The following WDR27 variants were observed in gnomAD, a reference collection of about 807,000 sequenced individuals.
WDR27 encodes WD repeat domain 27, also known as WD repeat-containing protein 27.
Under a neutral mutation model 114.4 loss-of-function variants are expected in WDR27, and 100 were observed. That is an observed-to-expected ratio of 0.87 (90% CI 0.74 to 1.03). WDR27 has a LOEUF of 1.03. Ranked by LOEUF, WDR27 falls within the 50% of genes least tolerant of loss-of-function variation. The pLI is 0.00. For missense variants in WDR27, 1,129 were observed against 1,092.9 expected, an observed-to-expected ratio of 1.03 and a Z score of -0.47; for synonymous variants, 449 against 423.1, an observed-to-expected ratio of 1.06 and a Z score of -0.75.
intron 13 of WDR27, among the ~76,000 whole-genome samples, chr6:169,655,751 G>A (rs201004449): frequency 3.3e-5 from 5 of 152,148 alleles, no homozygotes; most frequent in South Asian, 2.1e-4. Flanking sequence ...ACGGAGTCTC[G>A]CCCTGTTGCC....
At chr6:169,507,382 G>A (rs995925618) in intron 25 of WDR27, among the ~76,000 whole-genome samples, 1 of 152,214 alleles carries the variant, frequency 6.6e-6, no homozygotes, top group Non-Finnish European at 1.5e-5. Flanking sequence ...CTGGGCACAC[G>A]GCTGGGCACG....
In WDR27 at chr6:169,552,973, G is replaced by GGTGTGTGTGTGTGTGTGTGT. The variant is rs3975497; in HGVS notation, c.2645+19426_2645+19445dup. Among the ~76,000 whole-genome samples, 13 of 61,800 alleles carry GGTGTGTGTGTGTGTGTGTGT rather than the reference G, an allele frequency of 2.1e-4. 2 individuals are homozygous for GGTGTGTGTGTGTGTGTGTGT. The highest frequency in any genetic ancestry group is 3.2e-4 in the African/African-American group (5 of 15,448). 40.5% of individuals were successfully genotyped at this position (61,800 alleles called of 152,430 possible). A position where few individuals can be genotyped will look rare whatever the true frequency, so the allele number is the denominator to read the frequency against. ...TGTGCTGTTTGGGGAGGGCCTGCCC[G>GGTGTGTGTGTGTGTGTGTGT]GTGTGTGTGTGTGTGTGTGTGTGTG... is the stretch of plus-strand genomic sequence containing the variant. On this transcript the variant is annotated intron_variant, in intron 25 of 25. Coordinates refer to ENST00000448612, the MANE Select transcript of WDR27 (RefSeq NM_182552.5).
chr6:169,674,373 C>T (rs1779541038), intron 2 of WDR27, among the ~76,000 whole-genome samples: 1 of 152,156 alleles, frequency 6.6e-6, no homozygotes, highest in South Asian at 2.1e-4. Flanking sequence ...TAAGTAGAGG[C>T]ATAGAAGATA....
At chr6:169,430,919 A>AATC in the WDR27 span, among the ~76,000 whole-genome samples, 1 of 152,186 alleles carries the variant, frequency 6.6e-6, no homozygotes, top group Non-Finnish European at 1.5e-5. Flanking sequence ...GGATGATATG[A>AATC]ATCAGAGTTA....
chr6:169,621,536 G>A (rs377447567), intron 21 of WDR27, among the ~76,000 whole-genome samples: 193 of 131,268 alleles, frequency 1.5e-3, no homozygotes, highest in African/African-American at 4.0e-3. Context: ...ACACACACAC[G>A]CACGCATATA....
the WDR27 span, among the ~76,000 whole-genome samples, chr6:169,428,650 G>A: frequency 6.6e-6 from 1 of 152,048 alleles, no homozygotes; most frequent in Non-Finnish European, 1.5e-5. Flanking sequence ...CTGCACCACA[G>A]AGCTCTACAA....
At chr6:169,689,033 T>C (rs376051785) in intron 1 of WDR27, 21 bp from the exon 2 acceptor site, 2 of 1,564,546 alleles carry the variant, frequency 1.3e-6, no homozygotes, top group African/African-American at 1.4e-5. Context: ...AAAGTACATA[T>C]AAGATGACTA....
At chr6:169,448,390 C>CTGTG in the WDR27 span, among the ~76,000 whole-genome samples, 7 of 80,278 alleles carry the variant, frequency 8.7e-5, no homozygotes, top group Admixed American at 1.5e-4. Flanking sequence ...GTCTCTGTCT[C>CTGTG]TATGTGTGTG....
intron 25 of WDR27, among the ~76,000 whole-genome samples, chr6:169,510,868 G>A (rs1792745750): frequency 6.6e-6 from 1 of 152,074 alleles, no homozygotes. Flanking sequence ...AAATGACAAT[G>A]GAATTGCTTG....
intron 25 of WDR27, among the ~76,000 whole-genome samples, chr6:169,553,696 A>G (rs1032457493): frequency 6.6e-6 from 1 of 152,214 alleles, no homozygotes; most frequent in African/African-American, 2.4e-5. Flanking sequence ...TGTGAACATT[A>G]CGACCTGCTA....
intron 1 of WDR27, among the ~76,000 whole-genome samples, chr6:169,697,977 C>T (rs534362425): frequency 6.6e-6 from 1 of 152,308 alleles, no homozygotes; most frequent in South Asian, 2.1e-4. Context: ...CTGGTCCCTA[C>T]AGGCAGAATA....
At chr6:169,563,970 G>A (rs73790014) in intron 25 of WDR27, among the ~76,000 whole-genome samples, 2 of 152,144 alleles carry the variant, frequency 1.3e-5, no homozygotes, top group Admixed American at 6.5e-5. Context: ...TATATGGAGG[G>A]GAGTTTATTA....
At chr6:169,442,960 T>G in the WDR27 span, among the ~76,000 whole-genome samples, 1 of 152,200 alleles carries the variant, frequency 6.6e-6, no homozygotes. Flanking sequence ...GATACAATTC[T>G]GCAAAGCCAA....
chr6:169,477,198 C>G (rs1390285239), intron 25 of WDR27, among the ~76,000 whole-genome samples: 2 of 152,210 alleles, frequency 1.3e-5, no homozygotes, highest in Non-Finnish European at 2.9e-5. Context: ...CCTACTTAGT[C>G]AAGATGCATT....
At chr6:169,525,397 G>A (rs1189878729) in intron 25 of WDR27, among the ~76,000 whole-genome samples, 1 of 151,706 alleles carries the variant, frequency 6.6e-6, no homozygotes, top group Non-Finnish European at 1.5e-5. Context: ...TTAGCCGGGC[G>A]TGGTGGTGGG....
chr6:169,631,528 G>A (rs925631331), intron 21 of WDR27, among the ~76,000 whole-genome samples: 3 of 152,148 alleles, frequency 2.0e-5, no homozygotes, highest in African/African-American at 4.8e-5. Flanking sequence ...GGGCACGGAG[G>A]TGGAATTCGC....
At chr6:169,484,797 T>C (rs1192142381) in intron 25 of WDR27, among the ~76,000 whole-genome samples, 1 of 151,948 alleles carries the variant, frequency 6.6e-6, no homozygotes, top group Non-Finnish European at 1.5e-5. Flanking sequence ...AGTAGCCCTA[T>C]ACCTATACTG....
At chr6:169,598,746 G>T (rs1807336977) in intron 23 of WDR27, among the ~76,000 whole-genome samples, 1 of 152,214 alleles carries the variant, frequency 6.6e-6, no homozygotes, top group African/African-American at 2.4e-5. Context: ...AGCGTGAGGG[G>T]TTCCTCCCTT....
At chr6:169,683,782 A>T (rs1414338688) in intron 2 of WDR27, among the ~76,000 whole-genome samples, 2 of 152,164 alleles carry the variant, frequency 1.3e-5, no homozygotes, top group African/African-American at 4.8e-5. Flanking sequence ...TCACCACCAC[A>T]AACACCTGAA....
Sources: gnomAD v4.1 joint callset for allele counts (sites outside exome capture counted in the v4.1 genomes callset) on GRCh38, gnomAD v4.1.1 for gene constraint, MANE v1.5 for transcripts, NCBI Gene and HGNC (gene_info 2026-07-23, HGNC 2026-07-21) for gene names.